The following TRAPPC12 variants were observed in gnomAD, a reference collection of about 807,000 sequenced individuals.
The protein encoded by TRAPPC12 is TPR repeat protein 15.
A neutral mutation model predicts 69.2 loss-of-function variants in TRAPPC12; 61 were observed. That is an observed-to-expected ratio of 0.88 (90% CI 0.72 to 1.09). The LOEUF (loss-of-function observed/expected upper bound fraction) is 1.09. Among genes scored for constraint, TRAPPC12 ranks in the 50% least tolerant of loss-of-function variants. The pLI, the probability that TRAPPC12 is intolerant of heterozygous loss-of-function variation, is 0.00. For synonymous variants in TRAPPC12, 469 were observed against 438.9 expected, an observed-to-expected ratio of 1.07 and a Z score of -0.86; for missense variants, 1,101 against 1,016.4, an observed-to-expected ratio of 1.08 and a Z score of -1.13.
intron 9 of TRAPPC12, among the ~76,000 whole-genome samples, chr2:3,470,050 A>C (rs1665992824): frequency 6.6e-6 from 1 of 151,968 alleles, no homozygotes; most frequent in Non-Finnish European, 1.5e-5. Context: ...AAGGTGGGAG[A>C]TGAGGTGGGC....
chr2:3,425,153 C>G (rs1185254476), intron 5 of TRAPPC12, among the ~76,000 whole-genome samples: 1 of 152,230 alleles, frequency 6.6e-6, no homozygotes, highest in African/African-American at 2.4e-5. Context: ...TTGGAAAACA[C>G]TAGGCTACAG....
chr2:3,412,934 G>A (rs755843938), intron 3 of TRAPPC12, among the ~76,000 whole-genome samples: 1 of 152,172 alleles, frequency 6.6e-6, no homozygotes, highest in Non-Finnish European at 1.5e-5. Context: ...ACATAAATAG[G>A]AGTTGTATTA....
At chr2:3,392,380 AATGG>A (rs1036245307) in intron 2 of TRAPPC12, among the ~76,000 whole-genome samples, 38 of 152,284 alleles carry the variant, frequency 2.5e-4, no homozygotes, top group African/African-American at 8.7e-4. Context: ...CAGACCTGCA[AATGG>A]ATAATTTCAG....
chr2:3,475,841 A>G (rs1255334174), intron 9 of TRAPPC12, among the ~76,000 whole-genome samples: 3 of 152,226 alleles, frequency 2.0e-5, no homozygotes, highest in African/African-American at 7.2e-5. Context: ...CAGCATCTGC[A>G]TCCCAGGCTG....
chr2:3,424,599 C>G lies in TRAPPC12; in HGVS notation c.1353C>G (p.Phe451Leu). Residue 451 changes from phenylalanine to leucine, a missense_variant, in exon 5 of 12, where the codon TTC (phenylalanine) becomes TTG (leucine). By Grantham distance (22) the Phe-to-Leu change is conservative. Transcript: ENST00000324266. ...ATGCTGAGATGGAATTTGAACCCTT[C>G]GGAAATCTTGATCAGCCAGATCTTT... ...FQNAEMEFEP[F>L]GNLDQPDLYY... is the part of the protein sequence containing the mutation. The G allele has an allele frequency of 1.2e-6, 2 of 1,614,008 alleles. No individual in the cohort carries two copies. The highest frequency in any genetic ancestry group is 2.2e-5 in the East Asian group (1 of 44,888).
chr2:3,457,968 G>T, intron 7 of TRAPPC12: 2 of 1,310,246 alleles, frequency 1.5e-6, no homozygotes, highest in Non-Finnish European at 1.9e-6. Flanking sequence ...CTGCCACGCT[G>T]AGTGGTCTGA....
chr2:3,463,330 C>T (rs1485343777), intron 8 of TRAPPC12, among the ~76,000 whole-genome samples: 1 of 151,980 alleles, frequency 6.6e-6, no homozygotes, highest in African/African-American at 2.4e-5. Flanking sequence ...AGACACGTGT[C>T]ATGTTCACAC....
At chr2:3,380,651 G>T (rs1660164337) in intron 1 of TRAPPC12, among the ~76,000 whole-genome samples, 1 of 152,186 alleles carries the variant, frequency 6.6e-6, no homozygotes, top group Non-Finnish European at 1.5e-5. Context: ...TCTTGGGATT[G>T]GGGTGGGAGA....
At chr2:3,392,105 A>G (rs1283289309) in intron 2 of TRAPPC12, among the ~76,000 whole-genome samples, 2 of 152,148 alleles carry the variant, frequency 1.3e-5, no homozygotes, top group African/African-American at 2.4e-5. Context: ...AGCATATGAC[A>G]TTTAGTGAGT....
chr2:3,477,789 T>C lies in TRAPPC12; in HGVS notation c.1871T>C (p.Met624Thr). The C allele has an allele frequency of 3.2e-6, 5 of 1,583,100 alleles. No homozygotes were observed. Among genetic ancestry groups the C allele is most frequent in the Non-Finnish European group, 4.3e-6 (5 of 1,162,670 alleles). Residue 624 changes from methionine (M) to threonine (T), a missense_variant, in exon 10 of 12, where the codon ATG (methionine) becomes ACG (threonine). Coordinates refer to ENST00000324266, the MANE Select transcript of TRAPPC12 (RefSeq NM_016030.6). ...CTACAGGGTAAAATCATGGTTTTGA[T>C]GAACAGGTAAATATTTTAAAACTAA... Reference protein sequence around the residue: ...DGLQGKIMVLMNSAFLHLGQN... With the variant: ...DGLQGKIMVLTNSAFLHLGQN...
chr2:3,456,916 A>G, intron 6 of TRAPPC12: 1 of 334,142 alleles, frequency 3.0e-6, no homozygotes, highest in East Asian at 9.9e-5. Flanking sequence ...CTTTTCTTAA[A>G]AAACATATTC....
chr2:3,381,834 T>C lies in TRAPPC12; in HGVS notation c.-5+1958T>C, dbSNP rs556468787. 5.9e-5 allele frequency among the ~76,000 whole-genome samples: 9 copies of C among 152,368 alleles called. No homozygotes were observed. In the South Asian group the frequency reaches 1.4e-3, roughly 25 times the overall value. ...CCTCCCTCACTAAAGTGGCTGTTAC[T>C]ATATCCTGGCTTTTCTTTGTAGTTT... On this transcript the variant is annotated intron_variant, in intron 1 of 11. Transcript: ENST00000324266.
intron 1 of TRAPPC12, among the ~76,000 whole-genome samples, chr2:3,382,907 A>T (rs532705216): frequency 6.6e-6 from 1 of 152,378 alleles, no homozygotes; most frequent in Non-Finnish European, 1.5e-5. Context: ...CCAGGGTGAC[A>T]GAGCCAGACT....
chr2:3,459,916 TGTC>T (rs1184751695), intron 7 of TRAPPC12: 4 of 366,142 alleles, frequency 1.1e-5, no homozygotes, highest in South Asian at 2.3e-5. Flanking sequence ...CTGCAGGCAA[TGTC>T]GTCGTTTCTG....
intron 3 of TRAPPC12, among the ~76,000 whole-genome samples, chr2:3,404,738 T>C (rs956320129): frequency 4.6e-5 from 7 of 152,028 alleles, no homozygotes; most frequent in Non-Finnish European, 8.8e-5. Context: ...CGGCGTCTTC[T>C]TGAGTAAATA....
chr2:3,447,801 G>T (rs931719721), intron 6 of TRAPPC12, among the ~76,000 whole-genome samples: 30 of 152,206 alleles, frequency 2.0e-4, no homozygotes, highest in African/African-American at 7.2e-4. Context: ...GCTCTCCACT[G>T]GTGAGTAAAG....
chr2:3,387,581 G>A (rs1324721669), intron 1 of TRAPPC12, 39 bp from the exon 2 acceptor site: 1 of 1,439,874 alleles, frequency 6.9e-7, no homozygotes, highest in Non-Finnish European at 9.3e-7. Flanking sequence ...GGTGAATGAA[G>A]ATCACGCTCA....
chr2:3,477,157 G>T (rs1463440267), intron 9 of TRAPPC12, among the ~76,000 whole-genome samples: 2 of 152,218 alleles, frequency 1.3e-5, no homozygotes, highest in African/African-American at 4.8e-5. Flanking sequence ...CTGCATTTCA[G>T]TCGGGCAGCC....
At chr2:3,448,630 G>A (rs1664656401) in intron 6 of TRAPPC12, among the ~76,000 whole-genome samples, 1 of 127,214 alleles carries the variant, frequency 7.9e-6, no homozygotes, top group African/African-American at 3.9e-5. Context: ...AGAGCAGCCG[G>A]TTACGCGAGG....
Sources: allele counts gnomAD v4.1 joint callset (sites outside exome capture counted in the v4.1 genomes callset), GRCh38; gene constraint gnomAD v4.1.1; transcripts MANE v1.5; gene names NCBI Gene and HGNC (gene_info 2026-07-23, HGNC 2026-07-21).